TNNI1: variants seen among roughly 807,000 people sequenced by gnomAD.
The protein encoded by TNNI1 is troponin I1, slow skeletal type, also known as troponin I, slow skeletal muscle.
Under a neutral mutation model 26.7 loss-of-function variants are expected in TNNI1, and 14 were observed. The ratio of observed to expected loss-of-function variants is 0.52; its 90% CI spans 0.35 to 0.82. The LOEUF (loss-of-function observed/expected upper bound fraction) is 0.82. Ranked by LOEUF, TNNI1 falls within the 40% of genes least tolerant of loss-of-function variation. TNNI1 has a pLI of 0.01. For missense variants in TNNI1, 164 were observed against 257.0 expected (o/e 0.64, Z 2.47); for synonymous variants, 79 against 98.2 (o/e 0.80, Z 1.16).
intron 1 of TNNI1, among the ~76,000 whole-genome samples, chr1:201,419,981 C>A (rs536314797): frequency 1.3e-5 from 2 of 152,202 alleles, no homozygotes; most frequent in African/African-American, 4.8e-5. Flanking sequence ...CACCAGCTGG[C>A]GAAGAGCCAC....
rs761423572 is a variant in TNNI1, at chr1:201,413,003, G to A, written c.279+29C>T. The A allele has an allele frequency of 5.6e-6, 9 of 1,609,298 alleles. No homozygotes were observed. In the South Asian group the frequency reaches 8.8e-5, roughly 16 times the overall value. On this transcript the variant is annotated intron_variant, in intron 6 of 8. Transcript: ENST00000361379. ...CCATGCCCCTGCCCAACCCATTATG[G>A]CCATGCCCCTTCCCTTCCTTAGACT...
rs1341067793 is a variant in TNNI1, at chr1:201,407,665, G to A, written c.*1588C>T. ...CCCCTCCTAGGGCCAGTGCTAGGGT[G>A]GTCGAAAAGCCAAGGGACCCCAGGT... On this transcript the variant is annotated 3_prime_UTR_variant, in exon 9 of 9. Coordinates refer to ENST00000361379, the MANE Select transcript of TNNI1 (RefSeq NM_003281.4). 1 of 152,200 alleles carries A rather than the reference G, an allele frequency of 6.6e-6. No homozygotes were observed. The highest frequency in any genetic ancestry group is 1.5e-5 in the Non-Finnish European group (1 of 68,072). 9.4% of individuals were successfully genotyped at this position (152,200 alleles called of 1,614,324 possible). A position where few individuals can be genotyped will look rare whatever the true frequency, so the allele number is the denominator to read the frequency against.
At position 201,421,360 on chromosome 1, in the gene TNNI1, G is replaced by A. The variant is rs180817735; in HGVS notation, c.-20+313C>T. ...CCTCCCACACTCTGCTGGGCATCCT[G>A]TGTGAAAACATCATCCCTTAGGCTC... On this transcript the variant is annotated intron_variant, in intron 1 of 8. Coordinates refer to ENST00000361379, the MANE Select transcript of TNNI1 (RefSeq NM_003281.4). Among the ~76,000 whole-genome samples the A allele has an allele frequency of 4.5e-3, 687 of 152,214 alleles. 2 individuals carry two copies. The highest frequency in any genetic ancestry group is 7.0e-3 in the Non-Finnish European group (478 of 68,008).
chr1:201,413,204 C>A, intron 5 of TNNI1, 83 bp from the exon 6 acceptor site: 1 of 1,500,882 alleles, frequency 6.7e-7, no homozygotes, highest in Non-Finnish European at 9.2e-7. Flanking sequence ...CTCTCCCCAG[C>A]CCCTTTGCAA....
intron 6 of TNNI1, among the ~76,000 whole-genome samples, chr1:201,412,827 G>T (rs1004662110): frequency 2.0e-5 from 3 of 152,222 alleles, no homozygotes; most frequent in Non-Finnish European, 2.9e-5. Context: ...GGCAGGTAGG[G>T]AGGAAGTTTG....
In TNNI1 at chr1:201,407,928, A is replaced by T. The variant is rs566422585; in HGVS notation, c.*1325T>A. The T allele has an allele frequency of 1.3e-5, 2 of 152,190 alleles. No homozygotes were observed. Among genetic ancestry groups the T allele is most frequent in the African/African-American group, 4.8e-5 (2 of 41,470 alleles). 9.4% of individuals were successfully genotyped at this position (152,190 alleles called of 1,614,324 possible). A position where few individuals can be genotyped will look rare whatever the true frequency, so the allele number is the denominator to read the frequency against. On this transcript the variant is annotated 3_prime_UTR_variant, in exon 9 of 9. Coordinates refer to ENST00000361379, the MANE Select transcript of TNNI1 (RefSeq NM_003281.4). The stretch of plus-strand genomic sequence containing the variant: ...TGTGGTGGCACGCACCTGTAATCCC[A>T]GCTACTCAGGAGGTTGAAGCAGGAG...
chr1:201,410,236 A>G (rs1359045904), intron 8 of TNNI1, 90 bp downstream of exon 8: 6 of 1,172,008 alleles, frequency 5.1e-6, no homozygotes, highest in Non-Finnish European at 7.5e-6. Flanking sequence ...CGTGCACCAC[A>G]CTAAGTACAA....
intron 1 of TNNI1, among the ~76,000 whole-genome samples, chr1:201,420,230 C>A (rs1036871648): frequency 4.6e-5 from 7 of 152,212 alleles, no homozygotes; most frequent in Non-Finnish European, 8.8e-5. Context: ...TGACAAATGC[C>A]AGACCAAGGG....
At position 201,411,633 on chromosome 1, in the gene TNNI1, C is replaced by T. The variant is rs890620965; in HGVS notation, c.280-100G>A. 3 of 1,258,074 alleles carry T rather than the reference C, an allele frequency of 2.4e-6. No homozygotes were observed. The highest frequency in any genetic ancestry group is 3.0e-5 in the East Asian group (1 of 33,808). 77.9% of individuals were successfully genotyped at this position (1,258,074 alleles called of 1,614,324 possible). On this transcript the variant is annotated intron_variant, in intron 6 of 8. Transcript: ENST00000361379. The surrounding 1 kb of genome is among the most constrained non-coding windows in gnomAD (Gnocchi z 4.6). ...TGCTAGGGTTCCAGCCAGAGATACA[C>T]CTTAAATTGTCCACCCTTGAAGCCA...
intron 7 of TNNI1, 127 bp from the exon 8 acceptor site, chr1:201,410,562 G>T: frequency 1.3e-6 from 1 of 795,686 alleles, no homozygotes; most frequent in Non-Finnish European, 2.0e-6. Flanking sequence ...TCCCCAGCTG[G>T]TAAGGTCCTA....
intron 3 of TNNI1, 122 bp from the exon 4 acceptor site, chr1:201,415,376 C>T: frequency 1.0e-6 from 1 of 985,358 alleles, no homozygotes; most frequent in Non-Finnish European, 1.5e-6. Context: ...CTCTGCTCAC[C>T]CTACGGTGCC....
At chr1:201,410,461 G>A in intron 7 of TNNI1, 26 bp from the exon 8 acceptor site, 1 of 1,604,250 alleles carries the variant, frequency 6.2e-7, no homozygotes, top group Non-Finnish European at 8.5e-7. Context: ...ACACACATCA[G>A]GGACTTACCA....
In TNNI1 at chr1:201,413,430, A is replaced by AAACAAACAAAC. The variant is rs113503132; in HGVS notation, c.190-310_190-309insGTTTGTTTGTT. Among the ~76,000 whole-genome samples the AAACAAACAAAC allele has an allele frequency of 1.0e-3, 151 of 151,260 alleles. 1 individual carries two copies. The highest frequency in any genetic ancestry group is 2.2e-3 in the Admixed American group (33 of 15,204). On this transcript the variant is annotated intron_variant, in intron 5 of 8. Transcript: ENST00000361379. ...TGACAGAGCGAGACTCCGTCTCAAA[A>AAACAAACAAAC]AAACAAACAAACAAACAAAAAACTA...
rs965816309 is a variant in TNNI1, at chr1:201,406,200, T to G, written c.*3053A>C. 1 of 152,246 alleles carries G rather than the reference T, an allele frequency of 6.6e-6. No individual in the cohort carries two copies. The allele number at this position is 152,246 out of a possible 1,614,324, so 9.4% of individuals were successfully genotyped here. On this transcript the variant is annotated 3_prime_UTR_variant, in exon 9 of 9. Coordinates refer to ENST00000361379, the MANE Select transcript of TNNI1 (RefSeq NM_003281.4). ...TCTCCAGTCTGCAGCTAGCAAACCC[T>G]GTAACTTAGAGTGAGCTACTTGAAC... is the stretch of plus-strand genomic sequence containing the variant.
chr1:201,404,003 T>C lies in TNNI1; in HGVS notation c.*5250A>G, dbSNP rs959126175. On this transcript the variant is annotated 3_prime_UTR_variant, in exon 9 of 9. Transcript: ENST00000361379. ...TGGGTGTTCACTTTACGATTCTTTA[T>C]ACGTACATTAAAAACGTATGCGTGT... 2.0e-5 allele frequency: 3 copies of C among 152,206 alleles called. No homozygotes were observed. Among genetic ancestry groups the C allele is most frequent in the Non-Finnish European group, 4.4e-5 (3 of 68,032 alleles). 9.4% of individuals were successfully genotyped at this position (152,206 alleles called of 1,614,324 possible).
chr1:201,410,427 A>T lies in TNNI1; in HGVS notation c.465T>A (p.Pro155=), dbSNP rs201241440. 1.7e-5 allele frequency: 28 copies of T among 1,614,130 alleles called. No homozygotes were observed. The highest frequency in any genetic ancestry group is 2.3e-5 in the Non-Finnish European group (27 of 1,179,996). ...TCTTCCTCCAGTCACCCACCTCCAC[A>T]GGCCGCTCCTGTAGACAAGTGGCAC... ...VKKEDTEKER[P]VEVGDWRKNV... The change falls in exon 8 of 9, where the codon CCT becomes CCA. Residue 155 remains proline (P), a synonymous_variant. Transcript: ENST00000361379.
intron 3 of TNNI1, among the ~76,000 whole-genome samples, chr1:201,416,018 G>T (rs1167748347): frequency 6.6e-6 from 1 of 152,092 alleles, no homozygotes; most frequent in Non-Finnish European, 1.5e-5. Flanking sequence ...CCAGCAGGAA[G>T]CATCCTACCT....
At chr1:201,410,461 G>T in intron 7 of TNNI1, 26 bp from the exon 8 acceptor site, 1 of 1,604,250 alleles carries the variant, frequency 6.2e-7, no homozygotes. Context: ...ACACACATCA[G>T]GGACTTACCA....
At chr1:201,418,835 T>C (rs1187743448) in intron 1 of TNNI1, among the ~76,000 whole-genome samples, 1 of 152,158 alleles carries the variant, frequency 6.6e-6, no homozygotes, top group African/African-American at 2.4e-5. Context: ...CCTCTTGATG[T>C]TTATTATTAA....
Sources: gnomAD v4.1 joint callset for allele counts (sites outside exome capture counted in the v4.1 genomes callset) on GRCh38, gnomAD v4.1.1 for gene constraint, Gnocchi (gnomAD v3.1) non-coding constraint, MANE v1.5 for transcripts, NCBI Gene and HGNC (gene_info 2026-07-23, HGNC 2026-07-21) for gene names.